SKI: variants seen among roughly 807,000 people sequenced by gnomAD.
SKI encodes ski oncogene.
Under a neutral mutation model 59.3 loss-of-function variants are expected in SKI, and 23 were observed. The ratio of observed to expected loss-of-function variants is 0.39; its 90% confidence interval spans 0.28 to 0.55. The LOEUF (loss-of-function observed/expected upper bound fraction) is 0.55, where lower values mean the gene tolerates loss of function less well. Among genes scored for constraint, SKI ranks in the 20% least tolerant of loss-of-function variants. The pLI, the probability that SKI is intolerant of heterozygous loss-of-function variation, is 0.67. For synonymous variants in SKI, 673 were observed against 488.6 expected (o/e 1.38, Z -4.98); for missense variants, 1,017 against 1,038.9 (o/e 0.98, Z 0.29).
rs752690790 is a variant in SKI, at chr1:2,303,239, CTTGT to C, written c.1096-43_1096-40del. On this transcript the variant is annotated intron_variant, in intron 2 of 6. Transcript: ENST00000378536. The surrounding 1 kb of genome is among the most constrained non-coding windows in gnomAD (Gnocchi z 5.6). ...GCGCAGCCTCAGGGACATGAAGTGG[CTTGT>C]TTTTCTCCTGGTCACTCACACAGAC... is the stretch of plus-strand genomic sequence containing the variant. The C allele has an allele frequency of 6.9e-5, 111 of 1,605,846 alleles. No individual in the cohort carries two copies. Among genetic ancestry groups the C allele is most frequent in the East Asian group, 2.0e-4 (9 of 44,866 alleles).
chr1:2,270,363 G>C lies in SKI; in HGVS notation c.970-32615G>C, dbSNP rs1159101669. Among the ~76,000 whole-genome samples, 2 of 152,362 alleles carry C rather than the reference G, an allele frequency of 1.3e-5. No individual in the cohort carries two copies. Among genetic ancestry groups the C allele is most frequent in the Middle Eastern group, 3.4e-3 (1 of 294 alleles). On this transcript the variant is annotated intron_variant, in intron 1 of 6. Coordinates refer to ENST00000378536, the MANE Select transcript of SKI (RefSeq NM_003036.4). This position sits in a 1 kb window ranked among gnomAD's most constrained non-coding sequence, Gnocchi z 4.1. ...CACGGCCTGAGGCAGCCGTTGGACAGTGCCCATCTTGAATGCAGCCCTGGT... is the reference window on the plus strand; with the variant it reads ...CACGGCCTGAGGCAGCCGTTGGACACTGCCCATCTTGAATGCAGCCCTGGT...
intron 1 of SKI, among the ~76,000 whole-genome samples, chr1:2,256,427 C>A (rs951771054): frequency 1.3e-5 from 2 of 152,254 alleles, no homozygotes; most frequent in African/African-American, 4.8e-5. Context: ...CTGCTCCGTC[C>A]TTGCTCCAGC....
chr1:2,287,182 C>T (rs916015470), intron 1 of SKI, among the ~76,000 whole-genome samples: 2 of 151,996 alleles, frequency 1.3e-5, no homozygotes, highest in Non-Finnish European at 2.9e-5. Context: ...GTGCTCTGGA[C>T]CCTGGGCCGT....
At chr1:2,298,602 A>G (rs1004896722) in intron 1 of SKI, among the ~76,000 whole-genome samples, 6 of 152,166 alleles carry the variant, frequency 3.9e-5, no homozygotes, top group Admixed American at 1.3e-4. Context: ...CCGTTTACCA[A>G]TGAGGGCAAA....
intron 1 of SKI, among the ~76,000 whole-genome samples, chr1:2,238,610 C>T (rs887008623): frequency 5.3e-5 from 8 of 152,208 alleles, no homozygotes; most frequent in South Asian, 4.1e-4. Flanking sequence ...GGGGTCTGGA[C>T]TCTGACCCCT....
chr1:2,304,333 C>A lies in SKI; in HGVS notation c.1515C>A (p.Thr505=). 6.4e-7 allele frequency: 1 copy of A among 1,551,650 alleles called. No homozygotes were observed. Among genetic ancestry groups the A allele is most frequent in the South Asian group, 1.2e-5 (1 of 84,072 alleles). The change falls in exon 5 of 7, where the codon ACC becomes ACA. Residue 505 remains threonine (T), a synonymous_variant. Coordinates refer to ENST00000378536, the MANE Select transcript of SKI (RefSeq NM_003036.4). The part of the protein sequence containing the change: ...SLSSLSSPSF[T]SSSSAKDLGS... Reference sequence around the variant, plus strand: ...CCTCGCTCTCTTCCCCGTCCTTTACCTCATCCAGCTCCGCCAAGGACCTGG... The same window carrying A: ...CCTCGCTCTCTTCCCCGTCCTTTACATCATCCAGCTCCGCCAAGGACCTGG...
intron 1 of SKI, among the ~76,000 whole-genome samples, chr1:2,262,789 T>C (rs183392679): frequency 5.3e-5 from 8 of 152,308 alleles, no homozygotes; most frequent in African/African-American, 1.7e-4. Flanking sequence ...AGGTTACTAA[T>C]GTGATGAATT....
chr1:2,282,544 A>C (rs902782633), intron 1 of SKI, among the ~76,000 whole-genome samples: 10 of 152,190 alleles, frequency 6.6e-5, no homozygotes, highest in East Asian at 1.9e-4. Flanking sequence ...CTTCAGAAAG[A>C]AAGCCCAGAG....
intron 1 of SKI, among the ~76,000 whole-genome samples, chr1:2,266,759 A>G (rs1190555695): frequency 6.6e-6 from 1 of 152,118 alleles, no homozygotes; most frequent in Non-Finnish European, 1.5e-5. Context: ...TTGTAAAATG[A>G]GATAGAAAAT....
Position 2,267,525 on chromosome 1 carries a change from G to T in SKI, c.970-35453G>T, listed in dbSNP as rs1639526030. Among the ~76,000 whole-genome samples the T allele has an allele frequency of 6.6e-6, 1 of 152,246 alleles. No individual in the cohort carries two copies. The highest frequency in any genetic ancestry group is 6.5e-5 in the Admixed American group (1 of 15,290). On this transcript the variant is annotated intron_variant, in intron 1 of 6. Transcript: ENST00000378536. This position sits in a 1 kb window ranked among gnomAD's most constrained non-coding sequence, Gnocchi z 4.1. ...AGAGCCTCCTTTCAGGGTGGAAGGG[G>T]TGGTGGATGGCTTTGGGATTGGGCC... is the stretch of plus-strand genomic sequence containing the variant.
rs1330062127 is a variant in SKI at position 2,269,880 on chromosome 1, G to A, written c.970-33098G>A. On this transcript the variant is annotated intron_variant, in intron 1 of 6. Transcript: ENST00000378536. The surrounding 1 kb of genome is among the most constrained non-coding windows in gnomAD (Gnocchi z 4.7). ...TGCCTGTGGCTGGCGTGGGTCTGGC[G>A]GGTCTCGTGGTGCCTGTGGCTGGCG... 1.5e-5 allele frequency among the ~76,000 whole-genome samples: 2 copies of A among 131,850 alleles called. No individual in the cohort carries two copies. The highest frequency in any genetic ancestry group is 2.3e-4 in the East Asian group (1 of 4,402). The allele number at this position is 131,850 out of a possible 152,430, so 86.5% of individuals were successfully genotyped here. A position where few individuals can be genotyped will look rare whatever the true frequency, so the allele number is the denominator to read the frequency against.
intron 1 of SKI, among the ~76,000 whole-genome samples, chr1:2,255,683 CTA>C (rs1398085905): frequency 1.3e-5 from 2 of 150,790 alleles, no homozygotes; most frequent in Non-Finnish European, 2.9e-5. Context: ...CTGGATCTCT[CTA>C]TGTCCTGACC....
intron 1 of SKI, among the ~76,000 whole-genome samples, chr1:2,273,861 G>C (rs927791961): frequency 1.3e-5 from 2 of 152,168 alleles, no homozygotes; most frequent in African/African-American, 2.4e-5. Context: ...GCAGGCAGAC[G>C]TGCTCTTGGG....
chr1:2,277,668 G>T (rs1639773301), intron 1 of SKI, among the ~76,000 whole-genome samples: 1 of 151,874 alleles, frequency 6.6e-6, no homozygotes, highest in Non-Finnish European at 1.5e-5. Context: ...GCACACACCT[G>T]CACTCACACA....
intron 1 of SKI, among the ~76,000 whole-genome samples, chr1:2,290,699 T>C (rs1640141834): frequency 6.6e-6 from 1 of 152,168 alleles, no homozygotes; most frequent in African/African-American, 2.4e-5. Flanking sequence ...CCTGCTGAGA[T>C]ACTTCACTGG....
rs1639542388 is a variant in SKI at position 2,268,305 on chromosome 1, C to T, written c.970-34673C>T. Among the ~76,000 whole-genome samples the T allele has an allele frequency of 1.3e-5, 2 of 152,186 alleles. No homozygotes were observed. Among genetic ancestry groups the T allele is most frequent in the Non-Finnish European group, 2.9e-5 (2 of 68,022 alleles). On this transcript the variant is annotated intron_variant, in intron 1 of 6. Transcript: ENST00000378536. This position sits in a 1 kb window ranked among gnomAD's most constrained non-coding sequence, Gnocchi z 5.0. ...GTGTAGCCAGGTGTCTCAGAGGGCT[C>T]AGGGCTCCTGGTAGGGTTTGGGTGG...
At chr1:2,256,671 G>A (rs1639281436) in intron 1 of SKI, among the ~76,000 whole-genome samples, 1 of 152,236 alleles carries the variant, frequency 6.6e-6, no homozygotes, top group African/African-American at 2.4e-5. Flanking sequence ...TGGAGGGCTG[G>A]AACAGAACAC....
At chr1:2,265,535 CTG>C (rs1639484878) in intron 1 of SKI, among the ~76,000 whole-genome samples, 1 of 152,166 alleles carries the variant, frequency 6.6e-6, no homozygotes, top group Non-Finnish European at 1.5e-5. Flanking sequence ...CCAGTGTTCT[CTG>C]TGAATTTCTA....
At chr1:2,242,943 G>A (rs1189065396) in intron 1 of SKI, among the ~76,000 whole-genome samples, 1 of 152,262 alleles carries the variant, frequency 6.6e-6, no homozygotes, top group African/African-American at 2.4e-5. Flanking sequence ...TAAGAAGTAA[G>A]TGAAAAGCAC....
Sources: allele counts gnomAD v4.1 joint callset (sites outside exome capture counted in the v4.1 genomes callset), GRCh38; gene constraint gnomAD v4.1.1; non-coding constraint Gnocchi (gnomAD v3.1); transcripts MANE v1.5; gene names NCBI Gene and HGNC (gene_info 2026-07-23, HGNC 2026-07-21).